The following WIPI2 variants were observed in gnomAD, a reference collection of about 807,000 sequenced individuals.
The protein encoded by WIPI2 is WD repeat domain, phosphoinositide interacting 2.
Under a neutral mutation model 52.3 loss-of-function variants are expected in WIPI2, and 28 were observed. The ratio of observed to expected loss-of-function variants is 0.54; its 90% CI spans 0.40 to 0.73. WIPI2 has a LOEUF of 0.73. Among genes scored for constraint, WIPI2 ranks in the 30% least tolerant of loss-of-function variants. WIPI2 has a pLI of 0.00. For missense variants in WIPI2, 506 were observed against 602.9 expected, an observed-to-expected ratio of 0.84 and a Z score of 1.68; for synonymous variants, 268 against 245.0, an observed-to-expected ratio of 1.09 and a Z score of -0.88.
At chr7:5,209,894 A>C (rs1031146016) in intron 3 of WIPI2, among the ~76,000 whole-genome samples, 1 of 151,834 alleles carries the variant, frequency 6.6e-6, no homozygotes, top group African/African-American at 2.4e-5. Flanking sequence ...CCAGAACATA[A>C]CTTCTTTTTT....
chr7:5,201,947 C>T (rs1167796543), intron 3 of WIPI2, among the ~76,000 whole-genome samples: 3 of 146,602 alleles, frequency 2.0e-5, no homozygotes, highest in Non-Finnish European at 3.0e-5. Flanking sequence ...CTCTTTCACA[C>T]TTTTTTTTTT....
intron 4 of WIPI2, chr7:5,216,356 C>T (rs11520824): frequency 0.26 from 97,303 of 376,138 alleles, 13,721 homozygotes; most frequent in Admixed American, 0.41. Context: ...CACTTGAACC[C>T]GGAAGGCAGA....
intron 1 of WIPI2, among the ~76,000 whole-genome samples, chr7:5,192,603 G>A (rs1047529995): frequency 5.9e-5 from 9 of 152,280 alleles, no homozygotes; most frequent in African/African-American, 2.2e-4. Flanking sequence ...GTTACTTTGA[G>A]ATTTCATAAC....
At chr7:5,193,721 G>A (rs10258544) in intron 2 of WIPI2, among the ~76,000 whole-genome samples, 137,704 of 152,194 alleles carry the variant, frequency 0.9, 62,479 homozygotes, top group East Asian at 0.96. Flanking sequence ...GACTACAGGC[G>A]TAGGCCCCAC....
intron 2 of WIPI2, among the ~76,000 whole-genome samples, chr7:5,195,367 C>T (rs1781698080): frequency 6.6e-6 from 1 of 151,826 alleles, no homozygotes; most frequent in African/African-American, 2.4e-5. Flanking sequence ...CGCCTGTGGT[C>T]CCCAGCTACT....
intron 3 of WIPI2, among the ~76,000 whole-genome samples, chr7:5,205,455 C>T (rs752712281): frequency 3.9e-5 from 6 of 152,200 alleles, no homozygotes; most frequent in African/African-American, 1.2e-4. Flanking sequence ...GTTTCAGCGA[C>T]GTTAGAGATT....
intron 8 of WIPI2, among the ~76,000 whole-genome samples, chr7:5,225,430 C>T (rs968811165): frequency 2.0e-5 from 3 of 152,166 alleles, no homozygotes; most frequent in African/African-American, 7.2e-5. Context: ...CTTGAGCCAC[C>T]GTGCCCGGCC....
rs1290452597 is a variant in WIPI2 at position 5,217,155 on chromosome 7, G to A, written c.544G>A (p.Gly182Arg). ...GGCGTACCCAGGGAGCGCGACCATC[G>A]GAGAGGTGCAGGTCTTCGATACCAT... is the stretch of plus-strand genomic sequence containing the variant. ...YLAYPGSATI[G>R]EVQVFDTINL... The change falls in exon 6 of 13, where the codon GGA becomes AGA. Residue 182 changes from glycine (G) to arginine (R), a missense_variant. This residue lies in a region of WIPI2 where 237 missense variants were observed against 346.9 expected (regional missense o/e 0.68). Transcript: ENST00000288828. The A allele has an allele frequency of 3.1e-6, 5 of 1,613,988 alleles. No individual in the cohort carries two copies. Among genetic ancestry groups the A allele is most frequent in the African/African-American group, 1.3e-5 (1 of 74,894 alleles).
chr7:5,202,734 CCT>C (rs754283151), intron 3 of WIPI2, among the ~76,000 whole-genome samples: 40 of 152,176 alleles, frequency 2.6e-4, no homozygotes, highest in Non-Finnish European at 5.7e-4. Context: ...CCGCGCCCGG[CCT>C]CTCATATGAT....
chr7:5,218,186 G>T (rs1404082991), intron 7 of WIPI2, 172 bp downstream of exon 7: 1 of 615,292 alleles, frequency 1.6e-6, no homozygotes, highest in African/African-American at 1.8e-5. Flanking sequence ...AGAGTGAGCG[G>T]AGCTTGCAGT....
At position 5,199,619 on chromosome 7, in the gene WIPI2, C is replaced by A; in HGVS notation, c.172C>A (p.Leu58Ile). ...TAAGTCCGGTTATAAATTTTTCTCC[C>A]TTTCTTCTGTGGATAAGCTGGAACA... The part of the protein sequence containing the change: ...GSKSGYKFFS[L>I]SSVDKLEQIY... Residue 58 changes from leucine (L) to isoleucine (I), a missense_variant, in exon 3 of 13, where the codon CTT becomes ATT. Around this residue, in one of 4 missense-constraint regions of WIPI2, gnomAD observed 60 missense variants for 49.7 expected, o/e 1.21. Transcript: ENST00000288828. 3.1e-6 allele frequency: 5 copies of A among 1,613,318 alleles called. No individual in the cohort carries two copies. The highest frequency in any genetic ancestry group is 4.2e-6 in the Non-Finnish European group (5 of 1,179,876).
rs565423526 is a variant in WIPI2 at position 5,229,334 on chromosome 7, A to C, written c.1122-274A>C. Reference sequence around the variant, plus strand: ...CCGGGCTAGCCTGACTTTTTTTGTAAATAGTGAATCCTCGTTATTAGTTAG... The same window carrying C: ...CCGGGCTAGCCTGACTTTTTTTGTACATAGTGAATCCTCGTTATTAGTTAG... On this transcript the variant is annotated intron_variant, in intron 11 of 12. Coordinates refer to ENST00000288828, the MANE Select transcript of WIPI2 (RefSeq NM_015610.4). 7.7e-4 allele frequency: 218 copies of C among 283,560 alleles called. 3 individuals are homozygous for C. In the South Asian group the frequency reaches 9.5e-3, roughly 12 times the overall value. The allele number at this position is 283,560 out of a possible 1,614,324, so 17.6% of individuals were successfully genotyped here.
chr7:5,193,206 T>C (rs761532815), intron 2 of WIPI2, 35 bp downstream of exon 2: 4 of 1,609,756 alleles, frequency 2.5e-6, no homozygotes, highest in Non-Finnish European at 3.4e-6. Context: ...AAGTATCACC[T>C]TGGAAGGCTT....
chr7:5,195,134 G>A (rs773514817), intron 2 of WIPI2, among the ~76,000 whole-genome samples: 4 of 152,186 alleles, frequency 2.6e-5, no homozygotes, highest in Non-Finnish European at 5.9e-5. Flanking sequence ...ATGGGGGATT[G>A]AGCCAATACA....
chr7:5,228,089 C>G lies in WIPI2; in HGVS notation c.1014-15C>G. On this transcript the variant is annotated splice_polypyrimidine_tract_variant and intron_variant, in intron 10 of 12. Transcript: ENST00000288828. ...GACAGTTGTCTAGAATTTGGCTGCT[C>G]TTTATTCTCCCTAGAATTCAGAAGA... is the stretch of plus-strand genomic sequence containing the variant. 1.2e-6 allele frequency: 2 copies of G among 1,613,430 alleles called. No individual in the cohort carries two copies. The highest frequency in any genetic ancestry group is 1.7e-6 in the Non-Finnish European group (2 of 1,179,684).
intron 8 of WIPI2, among the ~76,000 whole-genome samples, chr7:5,225,509 C>A (rs1181237169): frequency 2.0e-5 from 3 of 152,156 alleles, no homozygotes; most frequent in Non-Finnish European, 4.4e-5. Flanking sequence ...ATGGCTGTAA[C>A]TTAAATTACT....
In WIPI2 at chr7:5,190,299, A is replaced by T; in HGVS notation, c.-121A>T. The T allele has an allele frequency of 1.9e-6, 1 of 534,698 alleles. No individual in the cohort carries two copies. The highest frequency in any genetic ancestry group is 2.7e-6 in the Non-Finnish European group (1 of 367,332). The allele number at this position is 534,698 out of a possible 1,614,324, so 33.1% of individuals were successfully genotyped here. A position where few individuals can be genotyped will look rare whatever the true frequency, so the allele number is the denominator to read the frequency against. On this transcript the variant is annotated 5_prime_UTR_variant, in exon 1 of 13. Transcript: ENST00000288828. ...ACGGGATGAGGCGGCGGTTGATCCCAGGGTGGCGAGTGGCGGCGACCGAGG... is the reference window on the plus strand; with the variant it reads ...ACGGGATGAGGCGGCGGTTGATCCCTGGGTGGCGAGTGGCGGCGACCGAGG...
Position 5,232,680 on chromosome 7 carries a change from T to C in WIPI2, c.*1733T>C, listed in dbSNP as rs139901842. On this transcript the variant is annotated 3_prime_UTR_variant, in exon 13 of 13. Transcript: ENST00000288828. ...TGTGGTGCAAGGCCAGAGGGCTCTCTCTAGAACCTGACCGTGCACTCCATC... is the reference window on the plus strand; with the variant it reads ...TGTGGTGCAAGGCCAGAGGGCTCTCCCTAGAACCTGACCGTGCACTCCATC... The C allele has an allele frequency of 5.0e-6, 1 of 202,016 alleles. No individual in the cohort carries two copies. The highest frequency in any genetic ancestry group is 9.9e-6 in the Non-Finnish European group (1 of 101,166). 12.5% of individuals were successfully genotyped at this position (202,016 alleles called of 1,614,324 possible).
At chr7:5,192,637 A>ATG (rs1781536673) in intron 1 of WIPI2, among the ~76,000 whole-genome samples, 1 of 152,240 alleles carries the variant, frequency 6.6e-6, no homozygotes, top group South Asian at 2.1e-4. Context: ...AGAGACCTTG[A>ATG]TGTAGTGTAA....
Sources: gnomAD v4.1 joint callset for allele counts (sites outside exome capture counted in the v4.1 genomes callset) on GRCh38, gnomAD v4.1.1 for gene constraint, gnomAD v4.1.1 regional missense constraint, MANE v1.5 for transcripts, NCBI Gene and HGNC (gene_info 2026-07-23, HGNC 2026-07-21) for gene names.